Variants in ENPP3 observed in about 807,000 individuals in gnomAD.
ENPP3 encodes the protein ectonucleotide pyrophosphatase/phosphodiesterase 3.
Under a neutral mutation model 117.8 loss-of-function variants are expected in ENPP3, and 104 were observed. The observed-to-expected ratio is 0.88, with a 90% CI of 0.75 to 1.04. ENPP3 has a LOEUF of 1.04. ENPP3 is among the 50% of genes least tolerant of loss of function. The probability of loss-of-function intolerance (pLI) is 0.00; values close to 1 mark genes in which losing one functional copy is unlikely to be tolerated. For missense variants in ENPP3, 1,026 were observed against 1,051.9 expected, an observed-to-expected ratio of 0.98 and a Z score of 0.34; for synonymous variants, 380 against 349.9, an observed-to-expected ratio of 1.09 and a Z score of -0.96.
At chr6:131,727,107 A>C (rs1780170570) in intron 20 of ENPP3, among the ~76,000 whole-genome samples, 1 of 152,222 alleles carries the variant, frequency 6.6e-6, no homozygotes, top group Non-Finnish European at 1.5e-5. Flanking sequence ...ACAAGTTATG[A>C]GTATCCAGAA....
intron 19 of ENPP3, 141 bp downstream of exon 19, chr6:131,724,232 A>AAAAAAAAAAAAAAAC (rs1404351566): frequency 3.4e-5 from 21 of 608,976 alleles, no homozygotes; most frequent in African/African-American, 2.2e-4. Context: ...AAGGTAAAAA[A>AAAAAAAAAAAAAAAC]AAAAAAACTC....
At chr6:131,667,001 A>G (rs912754115) in intron 6 of ENPP3, among the ~76,000 whole-genome samples, 7 of 152,212 alleles carry the variant, frequency 4.6e-5, no homozygotes, top group African/African-American at 1.2e-4. Flanking sequence ...AGATGAGTGA[A>G]ACTTATCTTG....
chr6:131,654,313 A>AT (rs746718201), intron 5 of ENPP3, among the ~76,000 whole-genome samples: 39 of 151,152 alleles, frequency 2.6e-4, no homozygotes, highest in South Asian at 1.5e-3. Context: ...ATTTTTTTGT[A>AT]TTTTTTTTGT....
intron 6 of ENPP3, among the ~76,000 whole-genome samples, chr6:131,661,980 T>C (rs1019745912): frequency 6.6e-6 from 1 of 152,230 alleles, no homozygotes; most frequent in African/African-American, 2.4e-5. Flanking sequence ...CCAAGACCAA[T>C]GTCATGCAGA....
intron 14 of ENPP3, among the ~76,000 whole-genome samples, chr6:131,692,809 TATA>T (rs978453277): frequency 4.2e-5 from 6 of 144,478 alleles, no homozygotes; most frequent in Non-Finnish European, 9.0e-5. Flanking sequence ...TTATATATGA[TATA>T]TGATATATGA....
At chr6:131,746,394 A>G (rs1325451939) in intron 24 of ENPP3, among the ~76,000 whole-genome samples, 2 of 152,192 alleles carry the variant, frequency 1.3e-5, no homozygotes, top group African/African-American at 4.8e-5. Context: ...ACATAAGTTT[A>G]AAAACTCATC....
intron 14 of ENPP3, among the ~76,000 whole-genome samples, chr6:131,690,224 A>G (rs1287052625): frequency 1.3e-5 from 2 of 152,164 alleles, no homozygotes; most frequent in African/African-American, 4.8e-5. Context: ...CTGTGGGTAA[A>G]ATGTTATAAA....
chr6:131,650,252 C>T (rs1474633253), intron 3 of ENPP3, 103 bp downstream of exon 3: 30 of 1,273,890 alleles, frequency 2.4e-5, no homozygotes, highest in Non-Finnish European at 3.2e-5. Context: ...CAGAGTGTCA[C>T]TCTGTTGCCT....
intron 5 of ENPP3, among the ~76,000 whole-genome samples, chr6:131,655,969 C>CA (rs1226387975): frequency 1.3e-5 from 2 of 152,200 alleles, no homozygotes; most frequent in Non-Finnish European, 2.9e-5. Context: ...TGATTCTGCT[C>CA]ACTATGAATA....
intron 20 of ENPP3, among the ~76,000 whole-genome samples, chr6:131,727,724 CATT>C (rs1780188677): frequency 6.6e-6 from 1 of 152,144 alleles, no homozygotes. Context: ...TAACCACAAT[CATT>C]ATTTTTAGAC....
intron 23 of ENPP3, among the ~76,000 whole-genome samples, chr6:131,739,593 CTTTT>C (rs71270397): frequency 0.01 from 905 of 87,432 alleles, 2 homozygotes; most frequent in African/African-American, 0.038. Flanking sequence ...TCATGCTCTG[CTTTT>C]TTTTTTTTTT....
At chr6:131,679,089 T>C (rs9493049) in intron 11 of ENPP3, among the ~76,000 whole-genome samples, 6,949 of 78,092 alleles carry the variant, frequency 0.089, 681 homozygotes, top group African/African-American at 0.21. Context: ...TTCTTTCTTT[T>C]CTTCTTTCTT....
At chr6:131,735,330 C>T (rs1471563549) in intron 21 of ENPP3, among the ~76,000 whole-genome samples, 1 of 152,160 alleles carries the variant, frequency 6.6e-6, no homozygotes, top group African/African-American at 2.4e-5. Flanking sequence ...TTCCAACTTT[C>T]AGGGCTTAGT....
chr6:131,644,666 G>A (rs1177449096), intron 2 of ENPP3, among the ~76,000 whole-genome samples: 2 of 152,144 alleles, frequency 1.3e-5, no homozygotes, highest in Non-Finnish European at 2.9e-5. Context: ...AGTTCTATTG[G>A]ATGTCCAAGC....
intron 15 of ENPP3, among the ~76,000 whole-genome samples, chr6:131,715,795 T>A (rs1170332013): frequency 6.4e-4 from 97 of 152,144 alleles, no homozygotes; most frequent in Admixed American, 6.0e-3. Flanking sequence ...TCCCTCAGAG[T>A]TGGTGCTAGT....
chr6:131,695,290 C>T (rs948010428), intron 15 of ENPP3, among the ~76,000 whole-genome samples: 52 of 152,200 alleles, frequency 3.4e-4, no homozygotes, highest in African/African-American at 1.2e-3. Flanking sequence ...GTCACTGGTA[C>T]AGAAGGAGAA....
chr6:131,746,726 T>C, intron 24 of ENPP3, 60 bp from the exon 25 acceptor site: 1 of 1,470,482 alleles, frequency 6.8e-7, no homozygotes, highest in East Asian at 2.3e-5. Flanking sequence ...AATAAAAATA[T>C]TTCTGTTCAT....
At chr6:131,646,655 A>G (rs182086552) in intron 2 of ENPP3, among the ~76,000 whole-genome samples, 271 of 150,738 alleles carry the variant, frequency 1.8e-3, no homozygotes, top group Non-Finnish European at 2.9e-3. Context: ...TTACCTAATG[A>G]CACCCTGTTT....
At chr6:131,679,682 T>G (rs1166365126) in intron 11 of ENPP3, among the ~76,000 whole-genome samples, 2 of 152,086 alleles carry the variant, frequency 1.3e-5, no homozygotes, top group Non-Finnish European at 2.9e-5. Context: ...TAGGAGACTC[T>G]CCTCTGAGTG....
Sources: allele counts gnomAD v4.1 joint callset (sites outside exome capture counted in the v4.1 genomes callset), GRCh38; gene constraint gnomAD v4.1.1; transcripts MANE v1.5; gene names NCBI Gene and HGNC (gene_info 2026-07-23, HGNC 2026-07-21).